SELENOF: variants seen among roughly 807,000 people sequenced by gnomAD.
The protein encoded by SELENOF is selenoprotein F, also known as 15 kDa selenoprotein.
Under a neutral mutation model 20.5 loss-of-function variants are expected in SELENOF, and 16 were observed. The ratio of observed to expected loss-of-function variants is 0.78; its 90% confidence interval spans 0.53 to 1.19. The LOEUF (loss-of-function observed/expected upper bound fraction) is 1.19, where lower values mean the gene tolerates loss of function less well. SELENOF is among the 50% of genes most tolerant of loss of function. The pLI is 0.00. For missense variants in SELENOF, 215 were observed against 194.2 expected (o/e 1.11, Z -0.64); for synonymous variants, 78 against 74.5 (o/e 1.05, Z -0.24).
intron 2 of SELENOF, among the ~76,000 whole-genome samples, chr1:86,902,684 A>G (rs72947822): frequency 1.0e-3 from 158 of 152,350 alleles, no homozygotes; most frequent in African/African-American, 3.3e-3. Flanking sequence ...TATTTAAAAG[A>G]TGAGCAAGTT....
intron 2 of SELENOF, among the ~76,000 whole-genome samples, chr1:86,901,186 A>T (rs1659696079): frequency 6.6e-6 from 1 of 152,184 alleles, no homozygotes; most frequent in Admixed American, 6.5e-5. Flanking sequence ...TGTGATTTTA[A>T]ATTAAGCCTT....
intron 3 of SELENOF, among the ~76,000 whole-genome samples, chr1:86,871,385 T>A (rs1483123714): frequency 6.6e-6 from 1 of 152,186 alleles, no homozygotes; most frequent in African/African-American, 2.4e-5. Context: ...GAATTTATGT[T>A]CACTTGAACA....
chr1:86,880,633 A>G, intron 3 of SELENOF, 29 bp downstream of exon 3: 1 of 1,318,152 alleles, frequency 7.6e-7, no homozygotes, highest in Non-Finnish European at 1.1e-6. Context: ...TAAATGACTG[A>G]ACAGTTTACT....
intron 2 of SELENOF, among the ~76,000 whole-genome samples, chr1:86,887,353 A>C (rs907551463): frequency 6.6e-6 from 1 of 152,238 alleles, no homozygotes; most frequent in African/African-American, 2.4e-5. Flanking sequence ...TTTATGCCTA[A>C]GGAAACTCAC....
chr1:86,886,696 G>A (rs1054709407), intron 2 of SELENOF, among the ~76,000 whole-genome samples: 2 of 152,084 alleles, frequency 1.3e-5, no homozygotes, highest in Non-Finnish European at 2.9e-5. Context: ...GTAGCAATAT[G>A]AAGAAAATGC....
chr1:86,874,088 G>A (rs1658861232), intron 3 of SELENOF, among the ~76,000 whole-genome samples: 1 of 150,674 alleles, frequency 6.6e-6, no homozygotes, highest in South Asian at 2.1e-4. Flanking sequence ...GTCATACTAT[G>A]TGGGTCACAC....
At chr1:86,894,809 C>T (rs1557465998) in intron 2 of SELENOF, among the ~76,000 whole-genome samples, 1 of 152,134 alleles carries the variant, frequency 6.6e-6, no homozygotes, top group Non-Finnish European at 1.5e-5. Flanking sequence ...TACATTCTAG[C>T]TTGGGTGACA....
chr1:86,877,234 C>G (rs1050369826), intron 3 of SELENOF, among the ~76,000 whole-genome samples: 1 of 152,096 alleles, frequency 6.6e-6, no homozygotes, highest in Non-Finnish European at 1.5e-5. Context: ...CTCATTAATC[C>G]TCAGAACAGC....
At chr1:86,904,833 T>C (rs1413609547) in intron 1 of SELENOF, among the ~76,000 whole-genome samples, 1 of 152,200 alleles carries the variant, frequency 6.6e-6, no homozygotes, top group Non-Finnish European at 1.5e-5. Flanking sequence ...TCTATGCATC[T>C]CTTAAATGCT....
At chr1:86,881,585 A>G (rs1463577956) in intron 2 of SELENOF, among the ~76,000 whole-genome samples, 1 of 152,198 alleles carries the variant, frequency 6.6e-6, no homozygotes, top group Admixed American at 6.5e-5. Context: ...TTCAAGAAAG[A>G]TGGACTTTAT....
intron 3 of SELENOF, among the ~76,000 whole-genome samples, chr1:86,877,068 A>G (rs1207398962): frequency 6.6e-6 from 1 of 152,224 alleles, no homozygotes; most frequent in African/African-American, 2.4e-5. Flanking sequence ...CCAAGGAGCA[A>G]ATATAAGATA....
chr1:86,892,318 C>G (rs570572444), intron 2 of SELENOF, among the ~76,000 whole-genome samples: 2 of 152,238 alleles, frequency 1.3e-5, no homozygotes, highest in East Asian at 3.9e-4. Context: ...AAACATTATT[C>G]ATATGTTTTA....
intron 4 of SELENOF, among the ~76,000 whole-genome samples, chr1:86,866,057 C>A (rs2783975): frequency 0.12 from 18,628 of 151,720 alleles, 1,224 homozygotes; most frequent in Non-Finnish European, 0.14. Flanking sequence ...ATTAGCTGGT[C>A]ATGTTGGTGT....
In SELENOF at chr1:86,884,561, C is replaced by T. The variant is rs371623867; in HGVS notation, c.253-3836G>A. Among the ~76,000 whole-genome samples, 37 of 152,266 alleles carry T rather than the reference C, an allele frequency of 2.4e-4. No homozygotes were observed. In the East Asian group the frequency reaches 7.1e-3, roughly 29 times the overall value. Reference sequence around the variant, plus strand: ...AAATTCACACACAATGAAATATATGCTACTTATAAATAGTAGAAATTCTCT... The same window carrying T: ...AAATTCACACACAATGAAATATATGTTACTTATAAATAGTAGAAATTCTCT... On this transcript the variant is annotated intron_variant, in intron 2 of 4. Coordinates refer to ENST00000331835, the MANE Select transcript of SELENOF (RefSeq NM_004261.5).
At chr1:86,899,502 G>A (rs1364741760) in intron 2 of SELENOF, among the ~76,000 whole-genome samples, 4 of 138,480 alleles carry the variant, frequency 2.9e-5, no homozygotes, top group Non-Finnish European at 4.6e-5. Context: ...GGGCAGAGGC[G>A]TCCCTCACCT....
chr1:86,885,790 C>T (rs1659197453), intron 2 of SELENOF, among the ~76,000 whole-genome samples: 1 of 152,190 alleles, frequency 6.6e-6, no homozygotes, highest in Non-Finnish European at 1.5e-5. Flanking sequence ...CACTTACAAG[C>T]AGTATGCCCC....
At chr1:86,900,616 C>T (rs1242893145) in intron 2 of SELENOF, among the ~76,000 whole-genome samples, 2 of 149,114 alleles carry the variant, frequency 1.3e-5, no homozygotes, top group African/African-American at 2.5e-5. Context: ...AGAGGGAGAC[C>T]GTGGGGAGGG....
intron 3 of SELENOF, among the ~76,000 whole-genome samples, chr1:86,873,512 T>C (rs180700560): frequency 2.0e-5 from 3 of 152,254 alleles, no homozygotes; most frequent in African/African-American, 7.2e-5. Flanking sequence ...CCATCTGAAA[T>C]GTAGCTAGTG....
At chr1:86,892,189 T>C (rs562210926) in intron 2 of SELENOF, among the ~76,000 whole-genome samples, 8 of 152,162 alleles carry the variant, frequency 5.3e-5, no homozygotes, top group Admixed American at 4.6e-4. Flanking sequence ...CCCCGGCACG[T>C]TGCCTCCCAA....
Sources: gnomAD v4.1 joint callset for allele counts (sites outside exome capture counted in the v4.1 genomes callset) on GRCh38, gnomAD v4.1.1 for gene constraint, MANE v1.5 for transcripts, NCBI Gene and HGNC (gene_info 2026-07-23, HGNC 2026-07-21) for gene names.